Variants in FARS2 observed in about 807,000 individuals in gnomAD.
The protein encoded by FARS2 is phenylalanyl-tRNA synthetase 2, mitochondrial, also known as phenylalanine--tRNA ligase, mitochondrial.
In FARS2, 40 loss-of-function variants were observed where a neutral mutation model predicts 46.4. The ratio of observed to expected loss-of-function variants is 0.86; its 90% CI spans 0.67 to 1.12. FARS2 has a LOEUF of 1.12. Ranked by LOEUF, FARS2 falls within the 50% of genes most tolerant of loss-of-function variation. The pLI, the probability that FARS2 is intolerant of heterozygous loss-of-function variation, is 0.00. For missense variants in FARS2, 513 were observed against 567.9 expected, an observed-to-expected ratio of 0.90 and a Z score of 0.98; for synonymous variants, 234 against 214.9, an observed-to-expected ratio of 1.09 and a Z score of -0.78.
intron 4 of FARS2, among the ~76,000 whole-genome samples, chr6:5,484,022 G>C (rs558911374): frequency 2.0e-4 from 31 of 152,304 alleles, no homozygotes; most frequent in Admixed American, 2.0e-3. Flanking sequence ...AGGATTGCTT[G>C]AACCCAGGAG....
At chr6:5,751,981 T>C (rs943259563) in intron 6 of FARS2, among the ~76,000 whole-genome samples, 1 of 152,088 alleles carries the variant, frequency 6.6e-6, no homozygotes, top group African/African-American at 2.4e-5. Context: ...CTTCATGGGG[T>C]GTCCTGGGAT....
chr6:5,590,195 T>C (rs529813058), intron 5 of FARS2, among the ~76,000 whole-genome samples: 1 of 152,312 alleles, frequency 6.6e-6, no homozygotes, highest in East Asian at 1.9e-4. Context: ...GCAAATGTGA[T>C]AGTGAAGAAT....
At chr6:5,702,930 A>G (rs774819232) in intron 6 of FARS2, among the ~76,000 whole-genome samples, 5 of 152,162 alleles carry the variant, frequency 3.3e-5, no homozygotes, top group African/African-American at 7.2e-5. Context: ...GGGGACACCA[A>G]GAAATTTCAT....
intron 2 of FARS2, among the ~76,000 whole-genome samples, chr6:5,398,354 A>G (rs1761031341): frequency 6.6e-6 from 1 of 152,168 alleles, no homozygotes; most frequent in South Asian, 2.1e-4. Flanking sequence ...GTATGGCTTC[A>G]TGAATATTTG....
chr6:5,404,078 CAT>C (rs900816668), intron 2 of FARS2, among the ~76,000 whole-genome samples: 2 of 152,180 alleles, frequency 1.3e-5, no homozygotes, highest in African/African-American at 4.8e-5. Flanking sequence ...GCGGCAGAAA[CAT>C]GTTTGAGGCT....
At chr6:5,495,016 A>G (rs532504697) in intron 4 of FARS2, among the ~76,000 whole-genome samples, 76 of 152,320 alleles carry the variant, frequency 5.0e-4, no homozygotes, top group African/African-American at 1.8e-3. Context: ...ACCTCCTAAA[A>G]TGACTGCTGT....
At chr6:5,620,905 A>G (rs890825223) in intron 6 of FARS2, among the ~76,000 whole-genome samples, 2 of 152,222 alleles carry the variant, frequency 1.3e-5, no homozygotes, top group Non-Finnish European at 2.9e-5. Flanking sequence ...CAGTAGGTTT[A>G]CTGTTCTTAC....
At chr6:5,686,347 C>CA (rs1010896673) in intron 6 of FARS2, among the ~76,000 whole-genome samples, 3 of 151,092 alleles carry the variant, frequency 2.0e-5, no homozygotes, top group East Asian at 1.9e-4. Context: ...TGCTCTCCCC[C>CA]CCCGCTGCCC....
intron 4 of FARS2, among the ~76,000 whole-genome samples, chr6:5,501,486 A>AT (rs1767797132): frequency 6.6e-6 from 1 of 151,562 alleles, no homozygotes; most frequent in Non-Finnish European, 1.5e-5. Context: ...TTTTTATTTT[A>AT]TTTTATTTTT....
intron 4 of FARS2, among the ~76,000 whole-genome samples, chr6:5,442,134 T>C (rs1212458659): frequency 1.3e-5 from 2 of 152,096 alleles, no homozygotes; most frequent in Non-Finnish European, 2.9e-5. Context: ...TTAAATCAAA[T>C]GGTATATTGT....
intron 6 of FARS2, among the ~76,000 whole-genome samples, chr6:5,626,756 G>A (rs1776052538): frequency 6.6e-6 from 1 of 152,214 alleles, no homozygotes; most frequent in Non-Finnish European, 1.5e-5. Flanking sequence ...ATAATCTTTT[G>A]TGAACATAAC....
intron 6 of FARS2, among the ~76,000 whole-genome samples, chr6:5,691,992 G>T (rs182794012): frequency 6.6e-6 from 1 of 152,204 alleles, no homozygotes; most frequent in Non-Finnish European, 1.5e-5. Flanking sequence ...CGAGCCAGGC[G>T]CGGGATATAA....
At chr6:5,362,615 A>G (rs897850939) in intron 1 of FARS2, among the ~76,000 whole-genome samples, 1 of 152,192 alleles carries the variant, frequency 6.6e-6, no homozygotes, top group African/African-American at 2.4e-5. Context: ...TTGCTGGATC[A>G]TATGTTAATA....
chr6:5,484,951 A>G (rs961571340), intron 4 of FARS2, among the ~76,000 whole-genome samples: 4 of 152,182 alleles, frequency 2.6e-5, no homozygotes, highest in African/African-American at 9.7e-5. Flanking sequence ...AAAAAGCCAG[A>G]TTAGACACTG....
chr6:5,705,824 C>T (rs1758721171), intron 6 of FARS2, among the ~76,000 whole-genome samples: 1 of 152,136 alleles, frequency 6.6e-6, no homozygotes, highest in African/African-American at 2.4e-5. Context: ...CTTTCCTTGC[C>T]CATCTCCAGT....
intron 4 of FARS2, among the ~76,000 whole-genome samples, chr6:5,517,195 T>TGAG (rs2150415858): frequency 6.6e-6 from 1 of 152,294 alleles, no homozygotes; most frequent in Admixed American, 6.5e-5. Context: ...GCACAGTCTA[T>TGAG]GAGGAAGAAC....
chr6:5,315,716 C>CTTTCTTTCTTTCTTTCTTTCTT (rs369017393), intron 1 of FARS2, among the ~76,000 whole-genome samples: 3 of 28,278 alleles, frequency 1.1e-4, no homozygotes, highest in African/African-American at 2.2e-4. Context: ...ATATTGATTT[C>CTTTCTTTCTTTCTTTCTTTCTT]TCTTTCTTTC....
chr6:5,564,881 G>A (rs942392058), intron 5 of FARS2, among the ~76,000 whole-genome samples: 10 of 152,272 alleles, frequency 6.6e-5, no homozygotes, highest in South Asian at 2.1e-4. Flanking sequence ...AATCCTGTGC[G>A]GGGACTGTGC....
intron 5 of FARS2, among the ~76,000 whole-genome samples, chr6:5,571,733 A>G (rs938651108): frequency 5.3e-5 from 8 of 152,066 alleles, no homozygotes; most frequent in Non-Finnish European, 1.0e-4. Flanking sequence ...TCACAGCCAC[A>G]CCTGGATCCC....
Sources: allele counts gnomAD v4.1 joint callset (sites outside exome capture counted in the v4.1 genomes callset), GRCh38; gene constraint gnomAD v4.1.1; transcripts MANE v1.5; gene names NCBI Gene and HGNC (gene_info 2026-07-23, HGNC 2026-07-21).